The following ATAD3A variants were observed in gnomAD, a reference collection of about 807,000 sequenced individuals.
The protein encoded by ATAD3A is ATPase family AAA domain containing 3A.
Under a neutral mutation model 73.8 loss-of-function variants are expected in ATAD3A, and 46 were observed. The ratio of observed to expected loss-of-function variants is 0.62; its 90% confidence interval spans 0.49 to 0.80. The LOEUF (loss-of-function observed/expected upper bound fraction) is 0.80, where lower values mean the gene tolerates loss of function less well. Ranked by LOEUF, ATAD3A falls within the 30% of genes least tolerant of loss-of-function variation. The pLI is 0.00. For missense variants in ATAD3A, 705 were observed against 838.0 expected (o/e 0.84, Z 1.96); for synonymous variants, 319 against 350.0 (o/e 0.91, Z 0.99).
chr1:1,520,890 A>G lies in ATAD3A; in HGVS notation c.750+273A>G, dbSNP rs1570333671. Among the ~76,000 whole-genome samples, 1 of 152,034 alleles carries G rather than the reference A, an allele frequency of 6.6e-6. No homozygotes were observed. The highest frequency in any genetic ancestry group is 2.4e-5 in the African/African-American group (1 of 41,400). On this transcript the variant is annotated intron_variant, in intron 7 of 15. Transcript: ENST00000378756. This position sits in a 1 kb window ranked among gnomAD's most constrained non-coding sequence, Gnocchi z 4.0. ...GTGTGGTGGCAGCCCCTGTGGTCCCACTACTCAAGAGGCTGAGGTAGGAGG... is the reference window on the plus strand; with the variant it reads ...GTGTGGTGGCAGCCCCTGTGGTCCCGCTACTCAAGAGGCTGAGGTAGGAGG...
rs1641720078 is a variant in ATAD3A, at chr1:1,524,267, G to C, written c.1090-6G>C. The C allele has an allele frequency of 6.2e-7, 1 of 1,613,844 alleles. No individual in the cohort carries two copies. Among genetic ancestry groups the C allele is most frequent in the African/African-American group, 1.3e-5 (1 of 74,942 alleles). The stretch of plus-strand genomic sequence containing the variant: ...TGCTCTGTCTCCCCTCACTCTTCCT[G>C]TCCAGAAACTCGCCCTGCACTCAGG... On this transcript the variant is annotated splice_polypyrimidine_tract_variant and splice_region_variant and intron_variant, in intron 10 of 15. Coordinates refer to ENST00000378756, the MANE Select transcript of ATAD3A (RefSeq NM_001170535.3).
rs1015841842 is a variant in ATAD3A, at chr1:1,516,214, C to T, written c.282+126C>T. 28 of 1,400,878 alleles carry T rather than the reference C, an allele frequency of 2.0e-5. 1 individual carries two copies. In the East Asian group the frequency reaches 6.2e-4, roughly 31 times the overall value. 86.8% of individuals were successfully genotyped at this position (1,400,878 alleles called of 1,614,324 possible). A position where few individuals can be genotyped will look rare whatever the true frequency, so the allele number is the denominator to read the frequency against. On this transcript the variant is annotated intron_variant, in intron 2 of 15. Coordinates refer to ENST00000378756, the MANE Select transcript of ATAD3A (RefSeq NM_001170535.3). ...CATGGGCAGCAGTGGGGCCCAGGGCCAAGCTTGGGCGCCTCATTTCACAGA... is the reference window on the plus strand; with the variant it reads ...CATGGGCAGCAGTGGGGCCCAGGGCTAAGCTTGGGCGCCTCATTTCACAGA...
At chr1:1,514,998 C>G (rs1641310440) in intron 1 of ATAD3A, among the ~76,000 whole-genome samples, 1 of 152,202 alleles carries the variant, frequency 6.6e-6, no homozygotes, top group Admixed American at 6.5e-5. Context: ...CTTGGCCTCC[C>G]AAGTAGCTGA....
At chr1:1,527,236 C>G (rs552126850) in intron 13 of ATAD3A, 1 of 1,298,244 alleles carries the variant, frequency 7.7e-7, no homozygotes, top group Non-Finnish European at 1.0e-6. Flanking sequence ...GTTGGGCTCC[C>G]AGGTCAGCTG....
intron 2 of ATAD3A, 140 bp from the exon 3 acceptor site, chr1:1,517,171 G>C (rs1619925): frequency 6.6e-7 from 1 of 1,517,572 alleles, no homozygotes; most frequent in Non-Finnish European, 8.7e-7. Flanking sequence ...GTGCAGATGC[G>C]GCTGGAAGCC....
At position 1,527,689 on chromosome 1, in the gene ATAD3A, C is replaced by T. The variant is rs1641896584; in HGVS notation, c.1338-6C>T. ...CAGCATCCTCATCCTCATCCCCGCC[C>T]CGCAGGTTCATGCTGGTCCTGGCCA... On this transcript the variant is annotated splice_region_variant and splice_polypyrimidine_tract_variant and intron_variant, in intron 13 of 15. Coordinates refer to ENST00000378756, the MANE Select transcript of ATAD3A (RefSeq NM_001170535.3). 1 of 1,607,760 alleles carries T rather than the reference C, an allele frequency of 6.2e-7. No homozygotes were observed. Among genetic ancestry groups the T allele is most frequent in the Non-Finnish European group, 8.5e-7 (1 of 1,176,170 alleles).
intron 12 of ATAD3A, among the ~76,000 whole-genome samples, chr1:1,525,791 G>C (rs951594405): frequency 6.6e-6 from 1 of 151,808 alleles, no homozygotes; most frequent in Admixed American, 6.6e-5. Context: ...CTGTTGCCTC[G>C]ACCTCTGGAG....
Position 1,520,194 on chromosome 1 carries a change from G to A in ATAD3A, c.568G>A (p.Glu190Lys). Residue 190 changes from glutamate to lysine, a missense_variant, in exon 6 of 16, where the codon GAG becomes AAG. This residue lies in a region of ATAD3A where 315 missense variants were observed against 334.1 expected (regional missense o/e 0.94). Coordinates refer to ENST00000378756, the MANE Select transcript of ATAD3A (RefSeq NM_001170535.3). The surrounding 1 kb of genome is among the most constrained non-coding windows in gnomAD (Gnocchi z 4.0). ...GCACAAGAATGAGATGCTGCGAGTG[G>A]AGGCCGAGGCCCGGGCGCGCGCCAA... ...LRHKNEMLRVEAEARARAKAE... is the reference protein window; with the variant it reads ...LRHKNEMLRVKAEARARAKAE... 1 of 1,612,032 alleles carries A rather than the reference G, an allele frequency of 6.2e-7. No individual in the cohort carries two copies. The highest frequency in any genetic ancestry group is 8.5e-7 in the Non-Finnish European group (1 of 1,179,658).
rs1263359819 is a variant in ATAD3A at position 1,519,173 on chromosome 1, G to A, written c.514+183G>A. Among the ~76,000 whole-genome samples the A allele has an allele frequency of 5.9e-5, 9 of 151,628 alleles. No homozygotes were observed. The East Asian group carries it at 9.7e-4, about 16-fold the overall frequency. The stretch of plus-strand genomic sequence containing the variant: ...AAGACACCTCTGTCTGCGAGTGGAC[G>A]CCAGGATCTGTTCAGGGAGGGCAGG... On this transcript the variant is annotated intron_variant, in intron 5 of 15. Coordinates refer to ENST00000378756, the MANE Select transcript of ATAD3A (RefSeq NM_001170535.3).
At chr1:1,528,020 C>T (rs1641911005) in intron 14 of ATAD3A, among the ~76,000 whole-genome samples, 158 bp downstream of exon 14, 1 of 149,590 alleles carries the variant, frequency 6.7e-6, no homozygotes, top group Admixed American at 6.7e-5. Context: ...AGTGCAGTGA[C>T]ACGATCTCAG....
rs1336698879 is a variant in ATAD3A, at chr1:1,523,401, C to A, written c.907-110C>A. ...CAGCTCCGGGCCGGTCCTGGCTGTG[C>A]TTTGGGGCAGCTCCGTTTCTGCGTG... On this transcript the variant is annotated intron_variant, in intron 8 of 15. Coordinates refer to ENST00000378756, the MANE Select transcript of ATAD3A (RefSeq NM_001170535.3). The surrounding 1 kb of genome is among the most constrained non-coding windows in gnomAD (Gnocchi z 5.1). 3 of 1,518,464 alleles carry A rather than the reference C, an allele frequency of 2.0e-6. No individual in the cohort carries two copies. The highest frequency in any genetic ancestry group is 2.3e-4 in the Middle Eastern group (1 of 4,360). 94.1% of individuals were successfully genotyped at this position (1,518,464 alleles called of 1,614,324 possible). A position where few individuals can be genotyped will look rare whatever the true frequency, so the allele number is the denominator to read the frequency against.
At chr1:1,518,616 T>TACAC (rs796571620) in intron 4 of ATAD3A, among the ~76,000 whole-genome samples, 15 of 49,694 alleles carry the variant, frequency 3.0e-4, no homozygotes, top group African/African-American at 2.5e-3. Context: ...CACACGGGCG[T>TACAC]ACACACCCCC....
At chr1:1,527,889 G>A (rs375064875) in intron 14 of ATAD3A, 27 bp downstream of exon 14, 64 of 1,601,120 alleles carry the variant, frequency 4.0e-5, no homozygotes, top group African/African-American at 6.7e-5. Flanking sequence ...ACCAGCCCCC[G>A]TCCAGGGGCC....
chr1:1,518,849 G>C (rs970547347), intron 4 of ATAD3A, 72 bp from the exon 5 acceptor site: 21 of 1,601,562 alleles, frequency 1.3e-5, no homozygotes, highest in Non-Finnish European at 1.7e-5. Flanking sequence ...CTCGGGCACA[G>C]TCATCCCCCG....
Position 1,523,126 on chromosome 1 carries a change from A to G in ATAD3A, c.906+227A>G, listed in dbSNP as rs1641664233. Among the ~76,000 whole-genome samples the G allele has an allele frequency of 6.6e-6, 1 of 151,600 alleles. No homozygotes were observed. The highest frequency in any genetic ancestry group is 2.1e-4 in the South Asian group (1 of 4,796). ...CGGTGTCCCCTGCTCAGGGCTCTTG[A>G]TGGGGCCTGGGAGCACATCGGGGTC... On this transcript the variant is annotated intron_variant, in intron 8 of 15. Transcript: ENST00000378756. This position sits in a 1 kb window ranked among gnomAD's most constrained non-coding sequence, Gnocchi z 5.1.
In ATAD3A at chr1:1,525,291, C is replaced by G. The variant is rs149995099; in HGVS notation, c.1266C>G (p.Thr422=). ...ACGCCTTCCTTCGGAAGCGAGCCAC[C>G]GTGAGTGTCACTAAGCCTCTGGCCA... ...EADAFLRKRA[T]EKISEDLRAT... The change falls in exon 12 of 16, where the codon ACC becomes ACG. Residue 422 remains threonine (T), a splice_region_variant and synonymous_variant. Transcript: ENST00000378756. The G allele has an allele frequency of 5.0e-6, 8 of 1,613,412 alleles. No individual in the cohort carries two copies. Among genetic ancestry groups the G allele is most frequent in the Non-Finnish European group, 6.8e-6 (8 of 1,179,768 alleles).
chr1:1,528,580 C>T (rs765595454), intron 14 of ATAD3A, among the ~76,000 whole-genome samples: 10 of 152,358 alleles, frequency 6.6e-5, no homozygotes, highest in Non-Finnish European at 1.2e-4. Flanking sequence ...GTGGGTGCAG[C>T]AGGCACGGTG....
intron 5 of ATAD3A, among the ~76,000 whole-genome samples, chr1:1,519,418 AGGG>A (rs1641505524): frequency 1.1e-5 from 1 of 92,110 alleles, no homozygotes; most frequent in Non-Finnish European, 2.3e-5. Flanking sequence ...CAGTAGAGAA[AGGG>A]TTTCACTGTG....
intron 12 of ATAD3A, among the ~76,000 whole-genome samples, chr1:1,525,560 T>A (rs186798363): frequency 2.0e-5 from 3 of 151,096 alleles, no homozygotes; most frequent in East Asian, 2.0e-4. Context: ...GACTACAGGC[T>A]CCCGCCACCA....
Sources: gnomAD v4.1 joint callset for allele counts (sites outside exome capture counted in the v4.1 genomes callset) on GRCh38, gnomAD v4.1.1 for gene constraint, gnomAD v4.1.1 regional missense constraint, Gnocchi (gnomAD v3.1) non-coding constraint, MANE v1.5 for transcripts, NCBI Gene and HGNC (gene_info 2026-07-23, HGNC 2026-07-21) for gene names.